The following QTGAL variants were observed in gnomAD, a reference collection of about 807,000 sequenced individuals.
The protein encoded by QTGAL is queuosine-tRNA galactosyltransferase.
At chr17:82,970,536 C>CGACCTCCCCACCCGGCGTGGCCGT in the QTGAL span, among the ~76,000 whole-genome samples, 24 of 101,566 alleles carry the variant, frequency 2.4e-4, no homozygotes, top group Non-Finnish European at 3.7e-4. Context: ...AGCGTGGCCG[C>CGACCTCCCCACCCGGCGTGGCCGT]GACCTCCGCA....
At chr17:82,961,273 C>G in the QTGAL span, 1 of 1,496,910 alleles carries the variant, frequency 6.7e-7, no homozygotes, top group South Asian at 1.2e-5. Context: ...GCCGGCCAAC[C>G]AGGAACCGGT....
the QTGAL span, chr17:83,005,148 G>A: frequency 6.2e-7 from 1 of 1,609,700 alleles, no homozygotes; most frequent in East Asian, 2.2e-5. This position sits in a 1 kb window ranked among gnomAD's most constrained non-coding sequence, Gnocchi z 5.6. Context: ...TCAGCTGGTT[G>A]ATCCAACGTG....
At chr17:82,978,966 T>C in the QTGAL span, 1 of 152,148 alleles carries the variant, frequency 6.6e-6, no homozygotes, top group African/African-American at 2.4e-5. This position sits in a 1 kb window ranked among gnomAD's most constrained non-coding sequence, Gnocchi z 4.8. Flanking sequence ...ACCTGTACAA[T>C]GCGGCTGATG....
the QTGAL span, among the ~76,000 whole-genome samples, chr17:82,986,185 G>A: frequency 2.6e-5 from 4 of 152,202 alleles, no homozygotes; most frequent in Admixed American, 2.0e-4. Flanking sequence ...CCGTGAACTC[G>A]GCTGCAGCCC....
chr17:83,043,072 C>T, the QTGAL span, among the ~76,000 whole-genome samples: 8 of 152,088 alleles, frequency 5.3e-5, no homozygotes, highest in Admixed American at 4.6e-4. Flanking sequence ...ACAGTTCTAC[C>T]GTAACAGTCG....
chr17:82,957,803 A>C, the QTGAL span, among the ~76,000 whole-genome samples: 1 of 152,130 alleles, frequency 6.6e-6, no homozygotes, highest in South Asian at 2.1e-4. Context: ...ACTGGACTTG[A>C]CCCAAGTCCA....
chr17:82,942,564 T>C, the QTGAL span: 1 of 1,546,976 alleles, frequency 6.5e-7, no homozygotes. Context: ...CCTCCAGCTG[T>C]TGAAGGGTAG....
the QTGAL span, among the ~76,000 whole-genome samples, chr17:82,977,519 A>G: frequency 1.3e-5 from 2 of 152,062 alleles, no homozygotes; most frequent in Non-Finnish European, 2.9e-5. Context: ...GTTTAAAAGC[A>G]CTCATGGGTA....
the QTGAL span, chr17:82,956,853 A>C: frequency 4.1e-6 from 6 of 1,461,062 alleles, no homozygotes; most frequent in Admixed American, 1.2e-4. This position sits in a 1 kb window ranked among gnomAD's most constrained non-coding sequence, Gnocchi z 5.7. Context: ...GCAGCCACCA[A>C]GTTGGCTCAC....
the QTGAL span, among the ~76,000 whole-genome samples, chr17:83,051,033 G>T: frequency 6.6e-6 from 1 of 151,400 alleles, no homozygotes; most frequent in South Asian, 2.1e-4. Context: ...TGTGCAGGCA[G>T]GTGTGGGGCA....
chr17:82,998,310 T>C, the QTGAL span, among the ~76,000 whole-genome samples: 3 of 152,046 alleles, frequency 2.0e-5, no homozygotes, highest in African/African-American at 2.4e-5. Context: ...AAAAGGAAAA[T>C]AGATAAATTG....
chr17:82,964,194 C>G, the QTGAL span, among the ~76,000 whole-genome samples: 1 of 128,138 alleles, frequency 7.8e-6, no homozygotes, highest in Non-Finnish European at 1.5e-5. Context: ...ACCTGGGAGG[C>G]AGAGGTTGTA....
chr17:82,967,586 G>C, the QTGAL span, among the ~76,000 whole-genome samples: 1 of 151,988 alleles, frequency 6.6e-6, no homozygotes, highest in South Asian at 2.1e-4. Flanking sequence ...AGATTCCAGA[G>C]ACAGAGAAAT....
the QTGAL span, among the ~76,000 whole-genome samples, chr17:83,037,222 A>C: frequency 1.7e-3 from 252 of 152,282 alleles, no homozygotes; most frequent in Admixed American, 4.6e-3. This position sits in a 1 kb window ranked among gnomAD's most constrained non-coding sequence, Gnocchi z 5.2. Context: ...TCCCGTCTCC[A>C]CTACAAGGAG....
chr17:82,977,764 G>C, the QTGAL span, among the ~76,000 whole-genome samples: 1 of 152,172 alleles, frequency 6.6e-6, no homozygotes, highest in South Asian at 2.1e-4. Context: ...GAAGCCGGCT[G>C]ATTCCAGTCT....
chr17:83,043,560 A>G, the QTGAL span, among the ~76,000 whole-genome samples: 2 of 152,212 alleles, frequency 1.3e-5, no homozygotes, highest in African/African-American at 4.8e-5. Flanking sequence ...AAATGCCTAC[A>G]TAAAAGAGGT....
the QTGAL span, among the ~76,000 whole-genome samples, chr17:82,952,265 G>A: frequency 3.2e-4 from 48 of 152,236 alleles, 1 homozygote; most frequent in Middle Eastern, 3.4e-3. Context: ...CTGGTGTGGC[G>A]TGCTTCTAGC....
At chr17:82,986,804 C>T in the QTGAL span, among the ~76,000 whole-genome samples, 5 of 152,316 alleles carry the variant, frequency 3.3e-5, no homozygotes, top group Middle Eastern at 3.4e-3. Context: ...TTACATGGTG[C>T]GATCACAAGA....
At chr17:83,029,745 G>A in the QTGAL span, among the ~76,000 whole-genome samples, 2 of 152,154 alleles carry the variant, frequency 1.3e-5, no homozygotes, top group African/African-American at 2.4e-5. Context: ...CGTATCACCA[G>A]ATCCTCGGCT....
Sources: allele counts gnomAD v4.1 joint callset (sites outside exome capture counted in the v4.1 genomes callset), GRCh38; gene constraint gnomAD v4.1.1; non-coding constraint Gnocchi (gnomAD v3.1); transcripts MANE v1.5; gene names NCBI Gene and HGNC (gene_info 2026-07-23, HGNC 2026-07-21).